QTMAN: variants seen among roughly 807,000 people sequenced by gnomAD.
QTMAN encodes the protein tRNA-queuosine alpha-mannosyltransferase.
At chr2:144,028,074 T>G in the QTMAN span, among the ~76,000 whole-genome samples, 1 of 152,152 alleles carries the variant, frequency 6.6e-6, no homozygotes, top group Admixed American at 6.5e-5. Flanking sequence ...ATAGCACTTA[T>G]CCTTCCTTGG....
chr2:144,266,544 G>A, the QTMAN span, among the ~76,000 whole-genome samples: 39 of 152,264 alleles, frequency 2.6e-4, no homozygotes, highest in Middle Eastern at 6.8e-3. Flanking sequence ...TGTACCAATC[G>A]ATAGTAGCTG....
the QTMAN span, among the ~76,000 whole-genome samples, chr2:144,255,360 A>C: frequency 0.027 from 4,130 of 152,236 alleles, 80 homozygotes; most frequent in Non-Finnish European, 0.043. Context: ...TGATGGTTTT[A>C]TAAGGAGCTT....
the QTMAN span, among the ~76,000 whole-genome samples, chr2:144,013,485 G>C: frequency 2.6e-5 from 4 of 152,112 alleles, no homozygotes; most frequent in Admixed American, 6.6e-5. Context: ...ATTTATGTGG[G>C]AAAATGATGA....
At chr2:144,017,838 T>C in the QTMAN span, among the ~76,000 whole-genome samples, 1 of 152,214 alleles carries the variant, frequency 6.6e-6, no homozygotes, top group African/African-American at 2.4e-5. Context: ...CCTTTCATAA[T>C]TGAGCCTATT....
chr2:144,032,242 A>G, the QTMAN span, among the ~76,000 whole-genome samples: 1 of 152,188 alleles, frequency 6.6e-6, no homozygotes, highest in Non-Finnish European at 1.5e-5. Context: ...TAACTTCCCC[A>G]AGCCTCAGTT....
chr2:144,037,637 T>C, the QTMAN span, among the ~76,000 whole-genome samples: 3 of 151,992 alleles, frequency 2.0e-5, no homozygotes, highest in East Asian at 5.8e-4. Context: ...TTAAATGTGA[T>C]GTAAAACATT....
chr2:144,024,428 G>A, the QTMAN span, among the ~76,000 whole-genome samples: 1 of 152,152 alleles, frequency 6.6e-6, no homozygotes, highest in Non-Finnish European at 1.5e-5. Flanking sequence ...GGTCCTGGAT[G>A]CTTCTGTATA....
At chr2:144,062,549 C>T in the QTMAN span, among the ~76,000 whole-genome samples, 13 of 152,270 alleles carry the variant, frequency 8.5e-5, no homozygotes, top group East Asian at 3.9e-4. Flanking sequence ...GCAGCTATTA[C>T]GCTGTTTCTA....
the QTMAN span, among the ~76,000 whole-genome samples, chr2:144,115,592 C>G: frequency 6.6e-6 from 1 of 152,342 alleles, no homozygotes; most frequent in South Asian, 2.1e-4. Flanking sequence ...GTCATTATCA[C>G]TATTTTTGTT....
chr2:143,970,576 A>G, the QTMAN span: 2 of 812,380 alleles, frequency 2.5e-6, no homozygotes, highest in Non-Finnish European at 2.2e-6. Flanking sequence ...AACAAAGGGA[A>G]ACATGGAAAT....
At chr2:144,009,707 A>G in the QTMAN span, among the ~76,000 whole-genome samples, 1 of 152,124 alleles carries the variant, frequency 6.6e-6, no homozygotes, top group African/African-American at 2.4e-5. Context: ...AAATGGAAAG[A>G]AACCTGGGCA....
At chr2:144,207,105 T>C in the QTMAN span, among the ~76,000 whole-genome samples, 1 of 152,208 alleles carries the variant, frequency 6.6e-6, no homozygotes, top group African/African-American at 2.4e-5. Context: ...TCATTGAAAT[T>C]CCTCATACTA....
At chr2:144,158,601 T>C in the QTMAN span, among the ~76,000 whole-genome samples, 2 of 151,930 alleles carry the variant, frequency 1.3e-5, no homozygotes, top group Non-Finnish European at 2.9e-5. Context: ...CATAGGTTTA[T>C]TGATATAAAG....
chr2:144,211,152 C>A, the QTMAN span: 1 of 152,142 alleles, frequency 6.6e-6, no homozygotes, highest in Non-Finnish European at 1.5e-5. Flanking sequence ...TGCAAATTAT[C>A]AGCCACTATG....
chr2:144,327,594 T>C, the QTMAN span, among the ~76,000 whole-genome samples: 2 of 152,106 alleles, frequency 1.3e-5, no homozygotes, highest in East Asian at 1.9e-4. Flanking sequence ...GAGTCCCTCA[T>C]GCAAATGAAA....
chr2:144,252,804 A>G, the QTMAN span, among the ~76,000 whole-genome samples: 2 of 152,232 alleles, frequency 1.3e-5, no homozygotes, highest in African/African-American at 2.4e-5. Context: ...GCAAATGTTT[A>G]TATCAGTTTT....
the QTMAN span, among the ~76,000 whole-genome samples, chr2:143,958,782 C>CTTTTT: frequency 2.4e-4 from 27 of 113,298 alleles, no homozygotes; most frequent in Admixed American, 4.4e-4. Context: ...TTCTTTCTTT[C>CTTTTT]TTTTTTTTTT....
At chr2:144,051,649 A>G in the QTMAN span, among the ~76,000 whole-genome samples, 1 of 152,246 alleles carries the variant, frequency 6.6e-6, no homozygotes, top group Non-Finnish European at 1.5e-5. Context: ...GATTAAAAAT[A>G]CACATAAAAA....
At chr2:144,199,552 C>G in the QTMAN span, among the ~76,000 whole-genome samples, 1 of 152,102 alleles carries the variant, frequency 6.6e-6, no homozygotes, top group Non-Finnish European at 1.5e-5. Context: ...AAAAGGAAAT[C>G]TGAACAAATA....
Sources: allele counts gnomAD v4.1 joint callset (sites outside exome capture counted in the v4.1 genomes callset), GRCh38; gene constraint gnomAD v4.1.1; transcripts MANE v1.5; gene names NCBI Gene and HGNC (gene_info 2026-07-23, HGNC 2026-07-21).